The following PUS7 variants were observed in gnomAD, a reference collection of about 807,000 sequenced individuals.
PUS7 encodes the protein pseudouridylate synthase 7 homolog.
Under a neutral mutation model 79.8 loss-of-function variants are expected in PUS7, and 48 were observed. The ratio of observed to expected loss-of-function variants is 0.60; its 90% CI spans 0.48 to 0.76. PUS7 has a LOEUF of 0.76. PUS7 is among the 30% of genes least tolerant of loss of function. PUS7 has a pLI of 0.00. For synonymous variants in PUS7, 286 were observed against 272.2 expected (o/e 1.05, Z -0.50); for missense variants, 729 against 797.6 (o/e 0.91, Z 1.04).
intron 13 of PUS7, among the ~76,000 whole-genome samples, chr7:105,464,813 C>CTTTTT (rs71152985): frequency 1.1e-5 from 1 of 95,230 alleles, no homozygotes; most frequent in African/African-American, 3.7e-5. Flanking sequence ...CCCCTCTTCC[C>CTTTTT]TTTTTTTTTT....
At chr7:105,481,214 ACAGT>A (rs1378446723) in intron 8 of PUS7, 37 bp from the exon 9 acceptor site, 1 of 1,579,408 alleles carries the variant, frequency 6.3e-7, no homozygotes, top group Admixed American at 1.8e-5. Flanking sequence ...AAAAAAAGTT[ACAGT>A]CAAATACTCA....
At position 105,456,739 on chromosome 7, in the gene PUS7, G is replaced by A. The variant is rs1309775463; in HGVS notation, c.*1051C>T. On this transcript the variant is annotated 3_prime_UTR_variant, in exon 16 of 16. Coordinates refer to ENST00000469408, the MANE Select transcript of PUS7 (RefSeq NM_019042.5). ...GGGTAAACGCTACTGATAGAAGAAA[G>A]CCTTGTCCATTTTTATAGTTTTCTT... The A allele has an allele frequency of 6.6e-6, 1 of 152,118 alleles. No homozygotes were observed. The highest frequency in any genetic ancestry group is 1.5e-5 in the Non-Finnish European group (1 of 68,036). 9.4% of individuals were successfully genotyped at this position (152,118 alleles called of 1,614,324 possible).
chr7:105,470,574 A>G, intron 11 of PUS7, 114 bp downstream of exon 11: 1 of 1,262,752 alleles, frequency 7.9e-7, no homozygotes, highest in Non-Finnish European at 1.1e-6. Context: ...GAGATCACCA[A>G]AGGATCCTTA....
chr7:105,508,461 C>T lies in PUS7; in HGVS notation c.52G>A (p.Val18Ile). Residue 18 changes from valine (V) to isoleucine (I), a missense_variant, in exon 2 of 16, where the codon GTC (valine) becomes ATC (isoleucine). Physicochemically the swap from Val to Ile is conservative, Grantham distance 29. Transcript: ENST00000469408. ...GVSLKRGALV[V>I]EDNDSGVPVE... ...GGGACTCCACTGTCATTATCTTCGA[C>T]AACCAGTGCCCCACGTTTCAGCGAC... 6.2e-7 allele frequency: 1 copy of T among 1,614,166 alleles called. No homozygotes were observed.
chr7:105,513,448 T>C (rs767307890), intron 1 of PUS7, among the ~76,000 whole-genome samples: 18 of 152,240 alleles, frequency 1.2e-4, no homozygotes, highest in Non-Finnish European at 2.4e-4. Flanking sequence ...TCTGTTTCTT[T>C]CTCTGTAAAA....
intron 1 of PUS7, among the ~76,000 whole-genome samples, chr7:105,520,636 C>T (rs1168400358): frequency 6.6e-6 from 1 of 152,148 alleles, no homozygotes; most frequent in South Asian, 2.1e-4. Context: ...GCAGGAGAAT[C>T]GCTTGAACCC....
intron 1 of PUS7, among the ~76,000 whole-genome samples, chr7:105,516,258 A>C (rs1379160308): frequency 6.6e-6 from 1 of 152,106 alleles, no homozygotes; most frequent in African/African-American, 2.4e-5. Context: ...ATTAATTATT[A>C]AAGTATATAT....
chr7:105,510,549 T>C (rs939537652), intron 1 of PUS7, among the ~76,000 whole-genome samples: 2 of 152,130 alleles, frequency 1.3e-5, no homozygotes, highest in African/African-American at 4.8e-5. Context: ...GGTCTCACTC[T>C]GTTGCCCAGG....
intron 1 of PUS7, among the ~76,000 whole-genome samples, chr7:105,519,237 A>ATT (rs55829105): frequency 6.3e-5 from 9 of 142,652 alleles, no homozygotes; most frequent in Admixed American, 1.4e-4. Context: ...GAACACACTA[A>ATT]TTTTTTTTTT....
At chr7:105,483,744 C>T (rs572121248) in intron 7 of PUS7, among the ~76,000 whole-genome samples, 1 of 152,314 alleles carries the variant, frequency 6.6e-6, no homozygotes, top group African/African-American at 2.4e-5. Flanking sequence ...GATCCACCCA[C>T]CTCAGCTTCC....
chr7:105,460,070 C>T (rs1199054885), intron 14 of PUS7, among the ~76,000 whole-genome samples: 1 of 152,100 alleles, frequency 6.6e-6, no homozygotes, highest in Non-Finnish European at 1.5e-5. Flanking sequence ...TCCCGAGTAG[C>T]TGGGACTACA....
intron 5 of PUS7, 48 bp from the exon 6 acceptor site, chr7:105,495,301 A>G (rs1030607978): frequency 9.3e-7 from 1 of 1,072,928 alleles, no homozygotes. Flanking sequence ...TAAAAGTTAT[A>G]GATGTAAGAG....
chr7:105,484,547 G>A (rs1006414950), intron 7 of PUS7, among the ~76,000 whole-genome samples: 9 of 151,470 alleles, frequency 5.9e-5, no homozygotes, highest in African/African-American at 1.9e-4. Context: ...GACCGGGCGC[G>A]GTGCTTCATG....
chr7:105,463,159 G>C (rs1237907802), intron 13 of PUS7, among the ~76,000 whole-genome samples: 1 of 152,148 alleles, frequency 6.6e-6, no homozygotes, highest in Middle Eastern at 3.2e-3. Flanking sequence ...AGAGACCTTG[G>C]AAAACCATCT....
chr7:105,508,014 C>T (rs993900624), intron 2 of PUS7, 101 bp downstream of exon 2: 1 of 1,408,248 alleles, frequency 7.1e-7, no homozygotes. Flanking sequence ...TATAAACAAG[C>T]CTTGGAGATG....
chr7:105,497,412 G>A (rs558818181), intron 5 of PUS7, among the ~76,000 whole-genome samples: 22 of 152,036 alleles, frequency 1.4e-4, no homozygotes, highest in East Asian at 3.9e-4. Flanking sequence ...CTTTTTCTGC[G>A]TTTCATGAAT....
At position 105,457,812 on chromosome 7, in the gene PUS7, A is replaced by C. The variant is rs929019637; in HGVS notation, c.1964T>G (p.Leu655Arg). The C allele has an allele frequency of 6.2e-7, 1 of 1,614,114 alleles. No individual in the cohort carries two copies. Residue 655 changes from leucine (L) to arginine (R), a missense_variant, in exon 16 of 16, where the codon CTG (leucine) becomes CGG (arginine). Physicochemically the swap from Leu to Arg is moderately radical, Grantham distance 102. Transcript: ENST00000469408. ...TGCTCAGCGAAGCCAGGTTGTATTC[A>C]GCTGCGTCTGGTTCTTGATACTGGT... The part of the protein sequence containing the change: ...MDTSIKNQTQ[L>R]NTTWLR
chr7:105,467,508 C>G (rs534105530), intron 12 of PUS7, among the ~76,000 whole-genome samples: 29 of 151,564 alleles, frequency 1.9e-4, no homozygotes, highest in Non-Finnish European at 8.8e-5. Flanking sequence ...CCAGGATGGT[C>G]TCGATCTCCT....
intron 5 of PUS7, among the ~76,000 whole-genome samples, chr7:105,500,297 A>G (rs1452692613): frequency 6.6e-6 from 1 of 152,146 alleles, no homozygotes; most frequent in Admixed American, 6.5e-5. Context: ...ACTTCGTAAC[A>G]ACAACAACAA....
Sources: allele counts gnomAD v4.1 joint callset (sites outside exome capture counted in the v4.1 genomes callset), GRCh38; gene constraint gnomAD v4.1.1; transcripts MANE v1.5; gene names NCBI Gene and HGNC (gene_info 2026-07-23, HGNC 2026-07-21).